CERT1: variants seen among roughly 807,000 people sequenced by gnomAD.
The protein encoded by CERT1 is ceramide transporter 1.
CERT1 carries 31 observed loss-of-function variants against 87.9 expected under a neutral mutation model. The ratio of observed to expected loss-of-function variants is 0.35; its 90% CI spans 0.27 to 0.48. The LOEUF (loss-of-function observed/expected upper bound fraction) is 0.48. Ranked by LOEUF, CERT1 falls within the 20% of genes least tolerant of loss-of-function variation. The probability of loss-of-function intolerance (pLI) is 0.99; values close to 1 mark genes in which losing one functional copy is unlikely to be tolerated. For synonymous variants in CERT1, 289 were observed against 250.9 expected (o/e 1.15, Z -1.44); for missense variants, 487 against 758.0 (o/e 0.64, Z 4.20).
chr5:75,510,222 T>TA (rs5744532), intron 1 of CERT1, among the ~76,000 whole-genome samples: 11,759 of 151,942 alleles, frequency 0.077, 546 homozygotes, highest in South Asian at 0.17. Context: ...CAGCCATGTC[T>TA]AAAAAAGTTT....
chr5:75,451,027 C>A (rs1168496837), intron 3 of CERT1, among the ~76,000 whole-genome samples: 1 of 152,102 alleles, frequency 6.6e-6, no homozygotes, highest in Non-Finnish European at 1.5e-5. Flanking sequence ...GAAAAACTGA[C>A]AAATATGAAG....
intron 3 of CERT1, among the ~76,000 whole-genome samples, chr5:75,434,825 G>A (rs1379851686): frequency 6.6e-6 from 1 of 152,028 alleles, no homozygotes; most frequent in Non-Finnish European, 1.5e-5. Context: ...TCTGTGGGAT[G>A]AGTGGTAATG....
upstream of CERT1, chr5:75,511,930 G>T (rs1165755461): frequency 4.5e-6 from 5 of 1,110,120 alleles, no homozygotes; most frequent in Non-Finnish European, 1.3e-6. Flanking sequence ...TATCCCGCGC[G>T]GGGATCGCTT....
At chr5:75,454,201 T>A (rs1764874918) in intron 3 of CERT1, among the ~76,000 whole-genome samples, 1 of 152,172 alleles carries the variant, frequency 6.6e-6, no homozygotes, top group Non-Finnish European at 1.5e-5. Context: ...GTGCTGAGGG[T>A]ATGGTAACAC....
intron 15 of CERT1, 39 bp from the exon 16 acceptor site, chr5:75,381,240 T>C: frequency 6.2e-7 from 1 of 1,611,400 alleles, no homozygotes; most frequent in South Asian, 1.1e-5. Flanking sequence ...AGATACCCAG[T>C]ATTTTGTAAA....
chr5:75,459,529 A>G (rs1765140230), intron 2 of CERT1, among the ~76,000 whole-genome samples: 1 of 152,082 alleles, frequency 6.6e-6, no homozygotes, highest in Non-Finnish European at 1.5e-5. Flanking sequence ...GTCTTGCTCT[A>G]TTGCCCAGGT....
Position 75,425,378 on chromosome 5 carries a change from T to G in CERT1, c.578A>C (p.Glu193Ala). 1.2e-6 allele frequency: 2 copies of G among 1,613,608 alleles called. No homozygotes were observed. The highest frequency in any genetic ancestry group is 1.7e-6 in the Non-Finnish European group (2 of 1,179,792). The change falls in exon 5 of 17, where the codon GAA becomes GCA. Residue 193 changes from glutamate to alanine, a missense_variant. By Grantham distance (107) the Glu-to-Ala change is moderately radical (BLOSUM62 -1). Around this residue, in one of 8 missense-constraint regions of CERT1, gnomAD observed 173 missense variants for 302.2 expected, o/e 0.57. Coordinates refer to ENST00000643780, the MANE Select transcript of CERT1 (RefSeq NM_001379029.1). ...TAATTAACCTTTATCCCTTTGAAGT[T>G]CATCCTTAGAGACAGCATCAGCACA... The part of the protein sequence containing the change: ...DACADAVSKD[E>A]LQRDKVVEDD...
intron 2 of CERT1, among the ~76,000 whole-genome samples, chr5:75,502,151 TAAGC>T (rs1398102566): frequency 5.9e-5 from 9 of 151,958 alleles, no homozygotes; most frequent in Admixed American, 2.0e-4. Context: ...AAAAAGTGCA[TAAGC>T]AATTGGAAAA....
rs60898983 is a variant in CERT1, at chr5:75,393,602, TAAAAAAAAAAA to T, written c.1189-3926_1189-3916del. ...GCAACATAGCAAGACCTCATCTACT[TAAAAAAAAAAA>T]AAAAAAAAAAGAAAGTCTAGAAGGG... On this transcript the variant is annotated intron_variant, in intron 11 of 16. Coordinates refer to ENST00000643780, the MANE Select transcript of CERT1 (RefSeq NM_001379029.1). 6.1e-5 allele frequency among the ~76,000 whole-genome samples: 2 copies of T among 32,770 alleles called. 1 individual carries two copies. Among genetic ancestry groups the T allele is most frequent in the Admixed American group, 1.2e-3 (2 of 1,658 alleles). 21.5% of individuals were successfully genotyped at this position (32,770 alleles called of 152,430 possible).
At chr5:75,432,687 G>A (rs1454524413) in intron 3 of CERT1, among the ~76,000 whole-genome samples, 1 of 152,128 alleles carries the variant, frequency 6.6e-6, no homozygotes, top group Non-Finnish European at 1.5e-5. Flanking sequence ...CTCTTGCTTT[G>A]CAAAAGCTCT....
chr5:75,419,147 T>C (rs1347747740), intron 6 of CERT1, among the ~76,000 whole-genome samples, 194 bp downstream of exon 6: 1 of 152,242 alleles, frequency 6.6e-6, no homozygotes, highest in Non-Finnish European at 1.5e-5. Flanking sequence ...CTGGACATCC[T>C]TATGTAAAAG....
At chr5:75,448,185 G>C (rs1202043279) in intron 3 of CERT1, among the ~76,000 whole-genome samples, 3 of 152,122 alleles carry the variant, frequency 2.0e-5, no homozygotes, top group Non-Finnish European at 2.9e-5. Flanking sequence ...GCTTCTGTGA[G>C]AATTAAATAA....
At chr5:75,412,569 G>T (rs910171030) in intron 7 of CERT1, among the ~76,000 whole-genome samples, 19 of 152,172 alleles carry the variant, frequency 1.2e-4, no homozygotes, top group African/African-American at 4.3e-4. Context: ...AAACATCATA[G>T]AGTGTACTTA....
intron 17 of CERT1, chr5:75,370,925 C>T (rs958859005): frequency 6.9e-6 from 1 of 145,312 alleles, no homozygotes; most frequent in African/African-American, 2.6e-5. Flanking sequence ...GCACTCCAGC[C>T]TGGGTGACAA....
intron 14 of CERT1, 50 bp from the exon 15 acceptor site, chr5:75,382,127 C>T: frequency 6.4e-7 from 1 of 1,560,800 alleles, no homozygotes; most frequent in Non-Finnish European, 8.7e-7. Context: ...ATGGAACTAA[C>T]AAGAGAAACG....
intron 3 of CERT1, among the ~76,000 whole-genome samples, chr5:75,458,091 A>C (rs189026717): frequency 2.4e-4 from 37 of 152,162 alleles, no homozygotes; most frequent in Admixed American, 9.2e-4. Flanking sequence ...AAACAAGCAA[A>C]ACTTCTCTTA....
intron 2 of CERT1, among the ~76,000 whole-genome samples, chr5:75,469,784 T>C (rs1287448850): frequency 6.6e-6 from 1 of 151,956 alleles, no homozygotes; most frequent in Non-Finnish European, 1.5e-5. Context: ...AGACACAGAG[T>C]GACTGGTTGG....
Position 75,499,304 on chromosome 5 carries a change from G to A in CERT1, c.231+6678C>T, listed in dbSNP as rs1270284885. On this transcript the variant is annotated intron_variant, in intron 2 of 16. Coordinates refer to ENST00000643780, the MANE Select transcript of CERT1 (RefSeq NM_001379029.1). ...AATGTGAGGACATGAGATTTGGGAGGGGCCAGGGGCAGAATGATACAGTTT... is the reference window on the plus strand; with the variant it reads ...AATGTGAGGACATGAGATTTGGGAGAGGCCAGGGGCAGAATGATACAGTTT... Among the ~76,000 whole-genome samples the A allele has an allele frequency of 2.0e-5, 3 of 152,096 alleles. 1 individual carries two copies. Among genetic ancestry groups the A allele is most frequent in the South Asian group, 4.1e-4 (2 of 4,832 alleles).
intron 3 of CERT1, among the ~76,000 whole-genome samples, chr5:75,446,942 A>T (rs1764563781): frequency 6.6e-6 from 1 of 152,216 alleles, no homozygotes; most frequent in Admixed American, 6.5e-5. Flanking sequence ...GACCTGCAAC[A>T]ATAATGGTCA....
Sources: gnomAD v4.1 joint callset for allele counts (sites outside exome capture counted in the v4.1 genomes callset) on GRCh38, gnomAD v4.1.1 for gene constraint, gnomAD v4.1.1 regional missense constraint, MANE v1.5 for transcripts, NCBI Gene and HGNC (gene_info 2026-07-23, HGNC 2026-07-21) for gene names.